The following CHAF1A variants were observed in gnomAD, a reference collection of about 807,000 sequenced individuals.
CHAF1A encodes chromatin assembly factor 1 subunit A.
Under a neutral mutation model 93.2 loss-of-function variants are expected in CHAF1A, and 5 were observed. The ratio of observed to expected loss-of-function variants is 0.05; its 90% CI spans 0.03 to 0.11. The LOEUF (loss-of-function observed/expected upper bound fraction) is 0.11, where lower values mean the gene tolerates loss of function less well. CHAF1A is among the 10% of genes least tolerant of loss of function. The pLI, the probability that CHAF1A is intolerant of heterozygous loss-of-function variation, is 1.00. For synonymous variants in CHAF1A, 504 were observed against 510.3 expected (o/e 0.99, Z 0.17); for missense variants, 1,102 against 1,259.9 (o/e 0.87, Z 1.90).
chr19:4,426,796 A>C (rs1344743313), intron 7 of CHAF1A, among the ~76,000 whole-genome samples: 3 of 152,086 alleles, frequency 2.0e-5, no homozygotes, highest in African/African-American at 7.2e-5. Context: ...ATTATACTGA[A>C]ATTTCTCCTT....
chr19:4,437,781 C>T (rs1974312439), intron 13 of CHAF1A, among the ~76,000 whole-genome samples: 1 of 151,492 alleles, frequency 6.6e-6, no homozygotes, highest in Admixed American at 6.6e-5. Context: ...GCTCTGTCGC[C>T]CAGGCTGGAG....
chr19:4,445,954 G>A (rs1974502262), downstream of CHAF1A: 22 of 1,502,176 alleles, frequency 1.5e-5, no homozygotes, highest in Non-Finnish European at 1.9e-5. Context: ...CCTGCTCTGA[G>A]AACAAGGAGG....
rs111582602 is a variant in CHAF1A, at chr19:4,403,960, C to G, written c.52+1146C>G. ...TCAGCCTCCCAAGTAGCTGGGATTACAGGCCTGCACCACCATGCCTGGCTA... is the reference window on the plus strand; with the variant it reads ...TCAGCCTCCCAAGTAGCTGGGATTAGAGGCCTGCACCACCATGCCTGGCTA... On this transcript the variant is annotated intron_variant, in intron 1 of 14. Transcript: ENST00000301280. 1.0e-3 allele frequency among the ~76,000 whole-genome samples: 154 copies of G among 152,296 alleles called. 2 individuals are homozygous for G. The Middle Eastern group carries it at 0.024, about 24-fold the overall frequency.
chr19:4,402,686 A>G lies in CHAF1A; in HGVS notation c.-77A>G, dbSNP rs1195442046. ...CGGCGGCAGCAGCGGCGCGGGCGGG[A>G]GGGCGAAGAGCAGCGGCCGCCTGAG... On this transcript the variant is annotated 5_prime_UTR_variant, in exon 1 of 15. Transcript: ENST00000301280. The G allele has an allele frequency of 8.4e-6, 7 of 834,346 alleles. No homozygotes were observed. The highest frequency in any genetic ancestry group is 3.9e-5 in the East Asian group (1 of 25,904). The allele number at this position is 834,346 out of a possible 1,614,324, so 51.7% of individuals were successfully genotyped here. A position where few individuals can be genotyped will look rare whatever the true frequency, so the allele number is the denominator to read the frequency against.
downstream of CHAF1A, chr19:4,446,205 G>A (rs1457917231): frequency 6.9e-6 from 11 of 1,597,886 alleles, no homozygotes; most frequent in Non-Finnish European, 8.5e-7. Flanking sequence ...TGCCTGGGGA[G>A]TGGGGGAGTC....
intron 3 of CHAF1A, among the ~76,000 whole-genome samples, chr19:4,410,017 G>A (rs754236847): frequency 1.4e-4 from 21 of 152,282 alleles, no homozygotes; most frequent in Non-Finnish European, 2.2e-4. Context: ...TTTTGCCTTC[G>A]TTGTTCACAT....
chr19:4,446,206 T>C (rs1177577893), downstream of CHAF1A: 4 of 1,596,338 alleles, frequency 2.5e-6, no homozygotes, highest in Non-Finnish European at 3.4e-6. Flanking sequence ...GCCTGGGGAG[T>C]GGGGGAGTCA....
At chr19:4,446,712 G>A (rs761580414), downstream of CHAF1A, 66 of 1,608,768 alleles carry the variant, frequency 4.1e-5, no homozygotes, top group Admixed American at 1.8e-4. Flanking sequence ...AGAACTCCTC[G>A]GGGTCCTCTA....
chr19:4,430,631 G>T lies in CHAF1A; in HGVS notation c.1937G>T (p.Gly646Val). 6.2e-7 allele frequency: 1 copy of T among 1,613,778 alleles called. No homozygotes were observed. Among genetic ancestry groups the T allele is most frequent in the Non-Finnish European group, 8.5e-7 (1 of 1,179,928 alleles). Residue 646 changes from glycine to valine, a missense_variant, in exon 11 of 15, where the codon GGT becomes GTT. Physicochemically the swap from Gly to Val is moderately radical, Grantham distance 109. This residue lies in a region of CHAF1A where 335 missense variants were observed against 361.9 expected (regional missense o/e 0.93). Coordinates refer to ENST00000301280, the MANE Select transcript of CHAF1A (RefSeq NM_005483.3). ...VPHGYLSEDE[G>V]VTEECADPEN... is the part of the protein sequence containing the mutation. Reference sequence around the variant, plus strand: ...CATGGGTACCTGTCTGAGGACGAAGGTGTGACAGAGGTGAGGGAGTGAAGG... The same window carrying T: ...CATGGGTACCTGTCTGAGGACGAAGTTGTGACAGAGGTGAGGGAGTGAAGG...
In CHAF1A at chr19:4,408,997, C is replaced by T. The variant is rs1459550976; in HGVS notation, c.198C>T (p.Pro66=). 3 of 1,614,110 alleles carry T rather than the reference C, an allele frequency of 1.9e-6. No individual in the cohort carries two copies. The highest frequency in any genetic ancestry group is 1.7e-5 in the Admixed American group (1 of 60,006). The change falls in exon 3 of 15, where the codon CCC becomes CCT. Residue 66 remains proline (P), a synonymous_variant. Coordinates refer to ENST00000301280, the MANE Select transcript of CHAF1A (RefSeq NM_005483.3). ...DQGTSVQSKS[P]DLEASLDTLE... ...GTACTTCTGTGCAAAGTAAAAGCCC[C>T]GATTTAGAGGCCTCTTTGGACACCT...
chr19:4,426,393 C>T (rs1381260609), intron 7 of CHAF1A, among the ~76,000 whole-genome samples: 1 of 151,946 alleles, frequency 6.6e-6, no homozygotes, highest in Non-Finnish European at 1.5e-5. Context: ...TGGTCTCGAT[C>T]TCCTGACCTT....
chr19:4,428,165 T>G (rs1008142327), intron 7 of CHAF1A, among the ~76,000 whole-genome samples: 2 of 150,062 alleles, frequency 1.3e-5, no homozygotes, highest in Non-Finnish European at 3.0e-5. Flanking sequence ...GCCTAATTTT[T>G]GTTTTTAGTA....
intron 13 of CHAF1A, among the ~76,000 whole-genome samples, chr19:4,434,730 A>C (rs1974251067): frequency 6.6e-6 from 1 of 151,490 alleles, no homozygotes; most frequent in South Asian, 2.1e-4. Flanking sequence ...ACGGTTCTTG[A>C]ATTTTGCATT....
downstream of CHAF1A, chr19:4,446,580 C>A (rs368841367): frequency 4.8e-5 from 77 of 1,612,594 alleles, no homozygotes; most frequent in Admixed American, 3.2e-4. Context: ...AGGCCAGGGG[C>A]GAGGGCTGGA....
intron 13 of CHAF1A, among the ~76,000 whole-genome samples, chr19:4,438,260 A>C (rs1376597416): frequency 6.6e-6 from 1 of 152,086 alleles, no homozygotes; most frequent in Non-Finnish European, 1.5e-5. Flanking sequence ...TGTTCTTATA[A>C]GTGAGAGCAT....
At chr19:4,438,086 C>T (rs905389958) in intron 13 of CHAF1A, among the ~76,000 whole-genome samples, 3 of 151,888 alleles carry the variant, frequency 2.0e-5, no homozygotes, top group African/African-American at 4.8e-5. Context: ...CCCTGTTGCC[C>T]TTTATTATTT....
At chr19:4,446,207 G>T (rs368371362), downstream of CHAF1A, 6 of 1,595,774 alleles carry the variant, frequency 3.8e-6, no homozygotes, top group South Asian at 2.2e-5. Context: ...CCTGGGGAGT[G>T]GGGGAGTCAG....
downstream of CHAF1A, chr19:4,448,647 C>T (rs1260511390): frequency 5.7e-5 from 32 of 565,768 alleles, no homozygotes; most frequent in Non-Finnish European, 6.3e-5. Context: ...TCTCCCCTTC[C>T]GCCTTCTCAA....
downstream of CHAF1A, chr19:4,446,666 T>A: frequency 6.2e-7 from 1 of 1,612,142 alleles, no homozygotes; most frequent in Non-Finnish European, 8.5e-7. Context: ...CTCTCCAGGC[T>A]CTGGGGCTGG....
Sources: allele counts gnomAD v4.1 joint callset (sites outside exome capture counted in the v4.1 genomes callset), GRCh38; gene constraint gnomAD v4.1.1; regional missense constraint gnomAD v4.1.1; transcripts MANE v1.5; gene names NCBI Gene and HGNC (gene_info 2026-07-23, HGNC 2026-07-21).